DAB1: variants seen among roughly 807,000 people sequenced by gnomAD.
DAB1 encodes DAB adaptor protein 1.
A neutral mutation model predicts 64.6 loss-of-function variants in DAB1; 15 were observed. That is an observed-to-expected ratio of 0.23 (90% CI 0.16 to 0.36). DAB1 has a LOEUF of 0.36. Among genes scored for constraint, DAB1 ranks in the 10% least tolerant of loss-of-function variants. The pLI is 1.00. For synonymous variants in DAB1, 235 were observed against 251.9 expected (o/e 0.93, Z 0.64); for missense variants, 596 against 706.7 (o/e 0.84, Z 1.78).
intron 5 of DAB1, among the ~76,000 whole-genome samples, chr1:57,917,566 C>T (rs1644745855): frequency 6.6e-6 from 1 of 152,042 alleles, no homozygotes; most frequent in Non-Finnish European, 1.5e-5. Context: ...CATTGGCATT[C>T]TTGTTTTCCC....
At chr1:57,436,497 T>G (rs1685700452) in intron 7 of DAB1, among the ~76,000 whole-genome samples, 1 of 152,216 alleles carries the variant, frequency 6.6e-6, no homozygotes, top group Admixed American at 6.5e-5. Context: ...GTGGGCACTA[T>G]TCTATGATCG....
At chr1:58,135,700 A>T (rs1167007783) in intron 5 of DAB1, among the ~76,000 whole-genome samples, 1 of 152,186 alleles carries the variant, frequency 6.6e-6, no homozygotes, top group Non-Finnish European at 1.5e-5. Context: ...TACTTCAGGA[A>T]ATGCTGCTTT....
chr1:57,442,298 G>C (rs1685986824), intron 7 of DAB1, among the ~76,000 whole-genome samples: 1 of 152,206 alleles, frequency 6.6e-6, no homozygotes, highest in South Asian at 2.1e-4. Context: ...GTCAGCAGTA[G>C]AGGTCAAAGT....
chr1:57,441,272 C>CTCTTTCTTTCTTTCTT (rs60171938), intron 7 of DAB1, among the ~76,000 whole-genome samples: 158 of 72,624 alleles, frequency 2.2e-3, no homozygotes, highest in Middle Eastern at 7.6e-3. Flanking sequence ...TTCTTTCTTT[C>CTCTTTCTTTCTTTCTT]TCTTTCTTTC....
At chr1:57,579,244 T>C (rs1645284991) in intron 7 of DAB1, among the ~76,000 whole-genome samples, 1 of 152,232 alleles carries the variant, frequency 6.6e-6, no homozygotes, top group East Asian at 1.9e-4. Flanking sequence ...CAGGTTGTTC[T>C]CTTTTCCCTA....
intron 4 of DAB1, among the ~76,000 whole-genome samples, chr1:58,170,382 C>T (rs1243133915): frequency 6.6e-6 from 1 of 152,116 alleles, no homozygotes; most frequent in Non-Finnish European, 1.5e-5. Context: ...TGTCACCCAA[C>T]TCACTAGAGG....
chr1:57,415,431 A>G lies in DAB1; in HGVS notation c.-137+8499T>C, dbSNP rs144887032. On this transcript the variant is annotated intron_variant, in intron 1 of 14. Transcript: ENST00000371236. ...CTGAAACAAGACATAAAAAGTGCTAACCATAAAAGATTGATAAATTCAACT... is the reference window on the plus strand; with the variant it reads ...CTGAAACAAGACATAAAAAGTGCTAGCCATAAAAGATTGATAAATTCAACT... Among the ~76,000 whole-genome samples the G allele has an allele frequency of 8.5e-4, 130 of 152,348 alleles. 3 individuals carry two copies. In the South Asian group the frequency reaches 0.013, roughly 15 times the overall value.
chr1:58,247,765 C>T lies in DAB1; in HGVS notation n.309+95587G>A, dbSNP rs774914820. Reference sequence around the variant, plus strand: ...TTTTCCTTCCCTTCCTGCATCTCTCCCTTCTCCTCACCACCACCCTCCCCA... The same window carrying T: ...TTTTCCTTCCCTTCCTGCATCTCTCTCTTCTCCTCACCACCACCCTCCCCA... On this transcript the variant is annotated intron_variant and non_coding_transcript_variant, in intron 4 of 20. Coordinates refer to the DAB1 transcript ENST00000485760. Among the ~76,000 whole-genome samples the T allele has an allele frequency of 6.0e-4, 91 of 151,878 alleles. 1 individual carries two copies. Among genetic ancestry groups the T allele is most frequent in the Admixed American group, 1.6e-3 (24 of 15,252 alleles).
intron 1 of DAB1, among the ~76,000 whole-genome samples, chr1:57,398,720 A>G (rs556724697): frequency 2.6e-5 from 4 of 152,362 alleles, no homozygotes; most frequent in South Asian, 2.1e-4. Flanking sequence ...CCTGCATTTC[A>G]TAACTCCCCA....
chr1:58,204,591 C>T (rs1265022568), intron 4 of DAB1, among the ~76,000 whole-genome samples: 2 of 152,100 alleles, frequency 1.3e-5, no homozygotes, highest in Non-Finnish European at 2.9e-5. Flanking sequence ...CTATCAGAAC[C>T]CCCAGGAGAG....
intron 7 of DAB1, among the ~76,000 whole-genome samples, chr1:57,648,215 T>A (rs969127580): frequency 6.6e-6 from 1 of 152,164 alleles, no homozygotes; most frequent in African/African-American, 2.4e-5. Flanking sequence ...AATTACAGGC[T>A]TCCCCTAGGT....
At chr1:58,436,478 G>C (rs1035837593) in intron 3 of DAB1, among the ~76,000 whole-genome samples, 3 of 152,298 alleles carry the variant, frequency 2.0e-5, no homozygotes, top group Middle Eastern at 3.4e-3. Flanking sequence ...CATATTCTTA[G>C]TGCATTGAAT....
intron 7 of DAB1, among the ~76,000 whole-genome samples, chr1:57,496,529 C>A (rs1644232695): frequency 6.6e-6 from 1 of 152,150 alleles, no homozygotes; most frequent in Admixed American, 6.5e-5. Flanking sequence ...CAGCCCACGT[C>A]TTCTGATTGG....
intron 5 of DAB1, among the ~76,000 whole-genome samples, chr1:57,915,164 C>CT (rs11418611): frequency 0.64 from 94,402 of 147,414 alleles, 30,394 homozygotes; most frequent in African/African-American, 0.68. Context: ...AGGAAATACC[C>CT]GGAAGGAAAA....
chr1:57,147,967 T>C (rs910172084), intron 2 of DAB1, among the ~76,000 whole-genome samples: 1 of 152,228 alleles, frequency 6.6e-6, no homozygotes, highest in Non-Finnish European at 1.5e-5. Context: ...TTCAAGCCTG[T>C]TCGCCTAACC....
chr1:57,274,757 T>C (rs981266431), intron 2 of DAB1, among the ~76,000 whole-genome samples: 1 of 152,086 alleles, frequency 6.6e-6, no homozygotes, highest in African/African-American at 2.4e-5. Context: ...ATTTTTTGTA[T>C]TTTTAGTAGA....
chr1:58,134,210 T>C lies in DAB1; in HGVS notation n.387+16301A>G, dbSNP rs547834053. Reference sequence around the variant, plus strand: ...GTCTAAGATCAAAGCATCAGCAGATTTGGCATCTGGTGAAGGCTTGCTGTC... The same window carrying C: ...GTCTAAGATCAAAGCATCAGCAGATCTGGCATCTGGTGAAGGCTTGCTGTC... On this transcript the variant is annotated intron_variant and non_coding_transcript_variant, in intron 5 of 20. Coordinates refer to the DAB1 transcript ENST00000485760. Among the ~76,000 whole-genome samples the C allele has an allele frequency of 2.6e-5, 4 of 152,312 alleles. No homozygotes were observed. The South Asian group carries it at 8.3e-4, about 32-fold the overall frequency.
At chr1:57,050,112 C>A (rs964231726) in intron 9 of DAB1, among the ~76,000 whole-genome samples, 2 of 152,200 alleles carry the variant, frequency 1.3e-5, no homozygotes, top group Non-Finnish European at 2.9e-5. Context: ...GGTTGCCCTG[C>A]TGTCCCTTGT....
At chr1:57,951,317 C>CATATATAGATATATATATATAT (rs1645271852) in intron 5 of DAB1, among the ~76,000 whole-genome samples, 1 of 69,810 alleles carries the variant, frequency 1.4e-5, no homozygotes, top group African/African-American at 4.1e-5. Flanking sequence ...GAGCCTGATT[C>CATATATAGATATATATATATAT]ATATATATAT....
Sources: allele counts gnomAD v4.1 joint callset (sites outside exome capture counted in the v4.1 genomes callset), GRCh38; gene constraint gnomAD v4.1.1; transcripts MANE v1.5; gene names NCBI Gene and HGNC (gene_info 2026-07-23, HGNC 2026-07-21).